The following SIGLEC8 variants were observed in gnomAD, a reference collection of about 807,000 sequenced individuals.
The protein encoded by SIGLEC8 is sialic acid binding Ig like lectin 8.
SIGLEC8 carries 32 observed loss-of-function variants against 42.1 expected under a neutral mutation model. That is an observed-to-expected ratio of 0.76 (90% CI 0.57 to 1.02). The LOEUF (loss-of-function observed/expected upper bound fraction) is 1.02, where lower values mean the gene tolerates loss of function less well. Among genes scored for constraint, SIGLEC8 ranks in the 50% least tolerant of loss-of-function variants. The pLI, the probability that SIGLEC8 is intolerant of heterozygous loss-of-function variation, is 0.00. For synonymous variants in SIGLEC8, 262 were observed against 260.3 expected (o/e 1.01, Z -0.06); for missense variants, 611 against 610.2 (o/e 1.00, Z -0.01).
chr19:51,457,443 T>C lies in SIGLEC8; in HGVS notation c.733+18A>G. 1.2e-6 allele frequency: 2 copies of C among 1,613,238 alleles called. No homozygotes were observed. Among genetic ancestry groups the C allele is most frequent in the East Asian group, 2.2e-5 (1 of 44,858 alleles). On this transcript the variant is annotated intron_variant, in intron 2 of 6. Transcript: ENST00000321424. ...TCCCAACCCATGAGGGACCTGGGCA[T>C]CTTGGTCCAGCACTCACAGGACACA...
At chr19:51,457,896 A>T in intron 1 of SIGLEC8, 38 bp downstream of exon 1, 1 of 1,600,408 alleles carries the variant, frequency 6.2e-7, no homozygotes, top group Non-Finnish European at 8.6e-7. Context: ...GCCCCTCATG[A>T]CCTTCCCCTG....
rs562241327 is a variant in SIGLEC8 at position 51,458,390 on chromosome 19, C to G, written c.-3G>C. 15 of 1,611,576 alleles carry G rather than the reference C, an allele frequency of 9.3e-6. No individual in the cohort carries two copies. In the African/African-American group the frequency reaches 1.9e-4, roughly 20 times the overall value. ...AGCAGCAGCAGCAGCAGCAGCATGT[C>G]TGGGTTTGAAGGCGCCAGGGCCGCC... On this transcript the variant is annotated 5_prime_UTR_variant, in exon 1 of 7. Coordinates refer to ENST00000321424, the MANE Select transcript of SIGLEC8 (RefSeq NM_014442.3).
In SIGLEC8 at chr19:51,458,416, AG is replaced by A; in HGVS notation, c.-30del. On this transcript the variant is annotated 5_prime_UTR_variant, in exon 1 of 7. Transcript: ENST00000321424. ...TGGGTTTGAAGGCGCCAGGGCCGCC[AG>A]GGAACGTCTGTTCCTCAGGGTTCTT... The A allele has an allele frequency of 6.3e-7, 1 of 1,598,882 alleles. No individual in the cohort carries two copies. The highest frequency in any genetic ancestry group is 1.1e-5 in the South Asian group (1 of 88,124).
At position 51,457,972 on chromosome 19, in the gene SIGLEC8, A is replaced by T. The variant is rs957419105; in HGVS notation, c.416T>A (p.Leu139Ter). The change falls in exon 1 of 7, where the codon TTG becomes TAG. Residue 139 changes from leucine (L) to a stop codon, truncating the protein, a stop_gained. Coordinates refer to ENST00000321424, the MANE Select transcript of SIGLEC8 (RefSeq NM_014442.3). LOFTEE classifies it high-confidence loss of function. Reference sequence around the variant, plus strand: ...AGACAGCTGCTTAGTTTTGTAATTCAACTGTGATTTGTAACTCCATTTCAT... The same window carrying T: ...AGACAGCTGCTTAGTTTTGTAATTCTACTGTGATTTGTAACTCCATTTCAT... ...GSMKWSYKSQ[L>*]NYKTKQLSVF... 3 of 1,614,000 alleles carry T rather than the reference A, an allele frequency of 1.9e-6. No homozygotes were observed. Among genetic ancestry groups the T allele is most frequent in the Non-Finnish European group, 2.5e-6 (3 of 1,180,002 alleles).
rs1989546383 is a variant in SIGLEC8, at chr19:51,458,236, T to C, written c.152A>G (p.Tyr51Cys). The C allele has an allele frequency of 2.5e-6, 4 of 1,613,816 alleles. No individual in the cohort carries two copies. The highest frequency in any genetic ancestry group is 3.4e-6 in the Non-Finnish European group (4 of 1,179,966). The change falls in exon 1 of 7, where the codon TAC (tyrosine) becomes TGC (cysteine). Residue 51 changes from tyrosine (Y) to cysteine (C), a missense_variant. Transcript: ENST00000321424. Reference sequence around the variant, plus strand: ...AGAGTCAGTCCAGCCATCCTGGGGGTAGGAGAAGGAGCAGGGCACATGGAC... The same window carrying C: ...AGAGTCAGTCCAGCCATCCTGGGGGCAGGAGAAGGAGCAGGGCACATGGAC... ...LCVHVPCSFS[Y>C]PQDGWTDSDP... is the part of the protein sequence containing the mutation.
At chr19:51,455,352 G>A (rs1368971754) in intron 4 of SIGLEC8, 66 bp downstream of exon 4, 3 of 1,576,260 alleles carry the variant, frequency 1.9e-6, no homozygotes, top group Non-Finnish European at 2.6e-6. Flanking sequence ...TGAAGCTCAG[G>A]GGCAGTGGGT....
At position 51,454,818 on chromosome 19, in the gene SIGLEC8, A is replaced by C; in HGVS notation, c.1052-38T>G. On this transcript the variant is annotated intron_variant, in intron 4 of 6. Transcript: ENST00000321424. This position sits in a 1 kb window ranked among gnomAD's most constrained non-coding sequence, Gnocchi z 4.7. Reference sequence around the variant, plus strand: ...TGGAGTTGCTTTGGGGATTTATATCACGGAGAAGTGGGTCTCTTCCCCTCC... The same window carrying C: ...TGGAGTTGCTTTGGGGATTTATATCCCGGAGAAGTGGGTCTCTTCCCCTCC... 1.2e-5 allele frequency: 18 copies of C among 1,498,174 alleles called. No homozygotes were observed. The highest frequency in any genetic ancestry group is 1.5e-5 in the Non-Finnish European group (16 of 1,074,734). 92.8% of individuals were successfully genotyped at this position (1,498,174 alleles called of 1,614,324 possible).
At chr19:51,453,494 G>C in intron 6 of SIGLEC8, 1 of 625,940 alleles carries the variant, frequency 1.6e-6, no homozygotes, top group Non-Finnish European at 2.0e-6. Context: ...TCAGGAGTTC[G>C]AGACCAGCTG....
chr19:51,455,277 T>G (rs1415281759), intron 4 of SIGLEC8, 141 bp downstream of exon 4: 4 of 1,117,912 alleles, frequency 3.6e-6, no homozygotes, highest in Non-Finnish European at 5.0e-6. Context: ...AGGACAGTGA[T>G]GCTCTGGGTC....
At chr19:51,453,964 G>A in intron 6 of SIGLEC8, 1 of 985,212 alleles carries the variant, frequency 1.0e-6, no homozygotes, top group South Asian at 4.7e-5. Context: ...AGGAGAGATG[G>A]TGAATCGGGG....
In SIGLEC8 at chr19:51,455,566, G is replaced by A; in HGVS notation, c.903C>T (p.Thr301=). The change falls in exon 4 of 7, where the codon ACC becomes ACT. Residue 301 remains threonine, a synonymous_variant. Transcript: ENST00000321424. The part of the protein sequence containing the change: ...ARLSWTRGSL[T]LCPSRSSNPG... ...GGTTTGAGGACCGTGAGGGGCACAG[G>A]GTCAGGCTCCCCCGGGTCCAGCTCA... 1 of 1,614,106 alleles carries A rather than the reference G, an allele frequency of 6.2e-7. No individual in the cohort carries two copies. Among genetic ancestry groups the A allele is most frequent in the Non-Finnish European group, 8.5e-7 (1 of 1,179,996 alleles).
rs371519576 is a variant in SIGLEC8, at chr19:51,452,544, G to A, written c.1335C>T (p.Leu445=). ...TATGGAAGCTGAGGGTTGCATAATG[G>A]AGCTCTCCTTCCTCCCCTGACGAGG... ...VAPSSGEEGE[L]HYATLSFHKV... Residue 445 remains leucine (L), a synonymous_variant, in exon 7 of 7, where the codon CTC becomes CTT. Transcript: ENST00000321424. The A allele has an allele frequency of 2.2e-5, 35 of 1,594,740 alleles. No homozygotes were observed. The African/African-American group carries it at 4.6e-4, about 21-fold the overall frequency.
rs1171840318 is a variant in SIGLEC8, at chr19:51,457,385, G to C, written c.733+76C>G. The C allele has an allele frequency of 1.9e-6, 3 of 1,570,262 alleles. No individual in the cohort carries two copies. In the African/African-American group the frequency reaches 4.1e-5, roughly 21 times the overall value. On this transcript the variant is annotated intron_variant, in intron 2 of 6. Coordinates refer to ENST00000321424, the MANE Select transcript of SIGLEC8 (RefSeq NM_014442.3). ...CTGGGACCCAGAACCCAGTGTCCAG[G>C]CTTGAACCCCATCCCCTGCCCTCAG...
Position 51,457,994 on chromosome 19 carries a change from T to C in SIGLEC8, c.394A>G (p.Lys132Glu). ...TTCAACTGTGATTTGTAACTCCATT[T>C]CATGCTTCCTCTCTCTAGCCGAAAG... The part of the protein sequence containing the change: ...YFFRLERGSM[K>E]WSYKSQLNYK... Residue 132 changes from lysine to glutamate, a missense_variant, in exon 1 of 7, where the codon AAA becomes GAA. Physicochemically the swap from Lys to Glu is moderately conservative, Grantham distance 56 (BLOSUM62 1). Transcript: ENST00000321424. 6.2e-7 allele frequency: 1 copy of C among 1,614,142 alleles called. No homozygotes were observed. Among genetic ancestry groups the C allele is most frequent in the Non-Finnish European group, 8.5e-7 (1 of 1,180,014 alleles).
rs139412254 is a variant in SIGLEC8 at position 51,457,695 on chromosome 19, A to C, written c.499T>G (p.Ser167Ala). 1,697 of 1,602,298 alleles carry C rather than the reference A, an allele frequency of 1.1e-3. 12 individuals carry two copies. In the African/African-American group the frequency reaches 0.015, roughly 14 times the overall value. The change falls in exon 2 of 7, where the codon TCT becomes GCT. Residue 167 changes from serine to alanine, a missense_variant. Transcript: ENST00000321424. ...CAGGTCAGGTTCCTGGAGTGGCCAG[A>C]CTCTAGGGTCCCTAGGATGAGGATG... is the stretch of plus-strand genomic sequence containing the variant. ...PDILILGTLE[S>A]GHSRNLTCSV...
chr19:51,457,053 C>T, intron 3 of SIGLEC8, 131 bp downstream of exon 3: 1 of 840,824 alleles, frequency 1.2e-6, no homozygotes, highest in Admixed American at 1.8e-5. Flanking sequence ...GAGATGTGGG[C>T]TCTTGTGCCC....
Position 51,454,303 on chromosome 19 carries a change from G to T in SIGLEC8, c.1161C>A (p.Cys387Ter). Residue 387 changes from cysteine (C) to a stop codon, truncating the protein, a stop_gained, in exon 6 of 7, where the codon TGC becomes TGA. Coordinates refer to ENST00000321424, the MANE Select transcript of SIGLEC8 (RefSeq NM_014442.3). LOFTEE classifies it high-confidence loss of function. This position sits in a 1 kb window ranked among gnomAD's most constrained non-coding sequence, Gnocchi z 4.7. ...FCIIFIIVRS[C>*]RKKSARPAAG... ...CTGCTGGCCTTGCCGATTTCTTCCTGCAGGACCTCACTCTGAGTGAAGAGA... is the reference window on the plus strand; with the variant it reads ...CTGCTGGCCTTGCCGATTTCTTCCTTCAGGACCTCACTCTGAGTGAAGAGA... 6.2e-7 allele frequency: 1 copy of T among 1,613,472 alleles called. No individual in the cohort carries two copies.
chr19:51,458,212 G>A lies in SIGLEC8; in HGVS notation c.176C>T (p.Ser59Phe). The A allele has an allele frequency of 6.2e-7, 1 of 1,614,136 alleles. No homozygotes were observed. The highest frequency in any genetic ancestry group is 8.5e-7 in the Non-Finnish European group (1 of 1,180,030). The part of the protein sequence containing the change: ...FSYPQDGWTD[S>F]DPVHGYWFRA... ...GAACCAGTAGCCATGAACTGGGTCA[G>A]AGTCAGTCCAGCCATCCTGGGGGTA... The change falls in exon 1 of 7, where the codon TCT (serine) becomes TTT (phenylalanine). Residue 59 changes from serine to phenylalanine, a missense_variant. Coordinates refer to ENST00000321424, the MANE Select transcript of SIGLEC8 (RefSeq NM_014442.3).
chr19:51,454,689 G>A lies in SIGLEC8; in HGVS notation c.1143C>T (p.Phe381=), dbSNP rs1416773650. Reference sequence around the variant, plus strand: ...TCCCCAGGGTCAATGCTCACATGATGAAGATGATGCAGAAGGACAGGAAGG... The same window carrying A: ...TCCCCAGGGTCAATGCTCACATGATAAAGATGATGCAGAAGGACAGGAAGG... ...ALAFLSFCII[F]IIVRSCRKKS... is the part of the protein sequence containing the mutation. The change falls in exon 5 of 7, where the codon TTC becomes TTT. Residue 381 remains phenylalanine, a synonymous_variant. Coordinates refer to ENST00000321424, the MANE Select transcript of SIGLEC8 (RefSeq NM_014442.3). The surrounding 1 kb of genome is among the most constrained non-coding windows in gnomAD (Gnocchi z 4.7). 2 of 1,612,194 alleles carry A rather than the reference G, an allele frequency of 1.2e-6. No individual in the cohort carries two copies. The highest frequency in any genetic ancestry group is 8.5e-7 in the Non-Finnish European group (1 of 1,178,542).
Sources: gnomAD v4.1 joint callset for allele counts on GRCh38, gnomAD v4.1.1 for gene constraint, Gnocchi (gnomAD v3.1) non-coding constraint, MANE v1.5 for transcripts, NCBI Gene and HGNC (gene_info 2026-07-23, HGNC 2026-07-21) for gene names.